WDHD1: variants seen among roughly 807,000 people sequenced by gnomAD.
WDHD1 encodes WD repeat and HMG-box DNA-binding protein 1.
Under a neutral mutation model 135.4 loss-of-function variants are expected in WDHD1, and 111 were observed. That is an observed-to-expected ratio of 0.82 (90% CI 0.70 to 0.96). The LOEUF is 0.96. WDHD1 is among the 40% of genes least tolerant of loss of function. The pLI, the probability that WDHD1 is intolerant of heterozygous loss-of-function variation, is 0.00. For synonymous variants in WDHD1, 434 were observed against 439.0 expected (o/e 0.99, Z 0.14); for missense variants, 1,351 against 1,336.3 (o/e 1.01, Z -0.17).
intron 21 of WDHD1, among the ~76,000 whole-genome samples, chr14:54,960,610 C>T (rs879716279): frequency 2.6e-5 from 4 of 151,948 alleles, no homozygotes; most frequent in Non-Finnish European, 5.9e-5. Context: ...AGCAATTCTC[C>T]TGCCTCAGCC....
intron 11 of WDHD1, among the ~76,000 whole-genome samples, chr14:54,992,245 CT>C (rs1166873763): frequency 6.6e-6 from 1 of 151,922 alleles, no homozygotes; most frequent in African/African-American, 2.4e-5. Context: ...AATCCCAGCA[CT>C]TTGGGAGGCC....
chr14:54,983,100 G>T (rs866300043), intron 15 of WDHD1, among the ~76,000 whole-genome samples: 22 of 152,270 alleles, frequency 1.4e-4, no homozygotes, highest in African/African-American at 5.3e-4. Flanking sequence ...GAAGACAGAG[G>T]TTGTAGTGAT....
At chr14:54,943,996 A>G (rs2040878740) in intron 25 of WDHD1, among the ~76,000 whole-genome samples, 1 of 152,142 alleles carries the variant, frequency 6.6e-6, no homozygotes, top group Non-Finnish European at 1.5e-5. Flanking sequence ...AATAATTACT[A>G]CATATCCATA....
chr14:54,962,915 A>G lies in WDHD1; in HGVS notation c.2531+37T>C, dbSNP rs752867538. Reference sequence around the variant, plus strand: ...CAAAGACCAACTTAACATTCAAGACAGTAAAGGAAAATTCAAACAACTAAA... The same window carrying G: ...CAAAGACCAACTTAACATTCAAGACGGTAAAGGAAAATTCAAACAACTAAA... On this transcript the variant is annotated intron_variant, in intron 19 of 25. Transcript: ENST00000360586. The G allele has an allele frequency of 5.0e-6, 8 of 1,612,458 alleles. No homozygotes were observed. The South Asian group carries it at 8.8e-5, about 18-fold the overall frequency.
At chr14:54,984,598 A>T in intron 15 of WDHD1, 125 bp downstream of exon 15, 1 of 852,176 alleles carries the variant, frequency 1.2e-6, no homozygotes. Flanking sequence ...ATAGAAATTT[A>T]AAATATAAAA....
At chr14:54,947,287 G>A (rs543041682) in intron 24 of WDHD1, among the ~76,000 whole-genome samples, 1 of 152,148 alleles carries the variant, frequency 6.6e-6, no homozygotes, top group Non-Finnish European at 1.5e-5. Context: ...GCAGTGAGCC[G>A]AGATTGTGCC....
At chr14:54,998,866 A>G (rs2041932235) in intron 10 of WDHD1, among the ~76,000 whole-genome samples, 1 of 152,208 alleles carries the variant, frequency 6.6e-6, no homozygotes, top group East Asian at 1.9e-4. Flanking sequence ...AATAATAAAA[A>G]TAATAGCCAA....
At chr14:54,949,743 G>C (rs1378033678) in intron 24 of WDHD1, among the ~76,000 whole-genome samples, 1 of 152,008 alleles carries the variant, frequency 6.6e-6, no homozygotes, top group African/African-American at 2.4e-5. Flanking sequence ...TGTTCAGAGA[G>C]AAAGGTTAGG....
At chr14:54,988,232 G>T (rs1022854890) in intron 13 of WDHD1, among the ~76,000 whole-genome samples, 5 of 149,232 alleles carry the variant, frequency 3.4e-5, no homozygotes, top group Non-Finnish European at 7.4e-5. Flanking sequence ...TTGTTTTTCC[G>T]TTTTTTTTTC....
intron 11 of WDHD1, among the ~76,000 whole-genome samples, chr14:54,994,873 C>T (rs2140207067): frequency 6.6e-6 from 1 of 152,252 alleles, no homozygotes; most frequent in South Asian, 2.1e-4. Context: ...TTGGATAGCA[C>T]AAATCTACAG....
intron 21 of WDHD1, among the ~76,000 whole-genome samples, chr14:54,960,502 C>A (rs117070457): frequency 0.021 from 3,181 of 150,162 alleles, 45 homozygotes; most frequent in Non-Finnish European, 0.034. Context: ...TTATTTACTT[C>A]TTCTTATTAT....
At chr14:54,952,115 C>A (rs1041907849) in intron 24 of WDHD1, among the ~76,000 whole-genome samples, 2 of 152,128 alleles carry the variant, frequency 1.3e-5, no homozygotes, top group Admixed American at 6.5e-5. Flanking sequence ...CACTTCTGTT[C>A]AACATAGTGT....
intron 18 of WDHD1, among the ~76,000 whole-genome samples, chr14:54,965,190 C>T (rs1350504004): frequency 6.6e-6 from 1 of 152,202 alleles, no homozygotes; most frequent in Non-Finnish European, 1.5e-5. Flanking sequence ...CATGTCAGTG[C>T]CTGGCATACA....
intron 16 of WDHD1, among the ~76,000 whole-genome samples, chr14:54,980,770 C>CAA (rs1257774508): frequency 2.8e-5 from 4 of 143,922 alleles, no homozygotes; most frequent in South Asian, 2.2e-4. Context: ...CGCCACTGTA[C>CAA]TCCAGCCTGG....
At chr14:54,997,801 C>T (rs2041909931) in intron 10 of WDHD1, among the ~76,000 whole-genome samples, 1 of 151,786 alleles carries the variant, frequency 6.6e-6, no homozygotes, top group East Asian at 1.9e-4. Flanking sequence ...ATCCCAGCTA[C>T]TCAGGAGGCT....
chr14:55,020,782 C>G (rs1002903196), intron 2 of WDHD1, among the ~76,000 whole-genome samples: 2 of 152,160 alleles, frequency 1.3e-5, no homozygotes, highest in Non-Finnish European at 2.9e-5. Context: ...TAACAGCCTA[C>G]TGTTGAGTAG....
intron 17 of WDHD1, 55 bp from the exon 18 acceptor site, chr14:54,966,661 G>C (rs2041351045): frequency 1.3e-6 from 2 of 1,523,558 alleles, no homozygotes; most frequent in African/African-American, 2.8e-5. Flanking sequence ...TATGAGGCAA[G>C]CGTTAAATAT....
chr14:54,966,321 C>A (rs1046899934), intron 18 of WDHD1, among the ~76,000 whole-genome samples, 154 bp downstream of exon 18: 1 of 148,784 alleles, frequency 6.7e-6, no homozygotes, highest in East Asian at 1.9e-4. Flanking sequence ...GGTGACAGAA[C>A]GAGACTCCGT....
intron 2 of WDHD1, among the ~76,000 whole-genome samples, chr14:55,017,135 T>C (rs1017727546): frequency 2.0e-5 from 3 of 152,208 alleles, no homozygotes; most frequent in African/African-American, 4.8e-5. Flanking sequence ...TCTAAATTTA[T>C]TTGAAAAGTT....
Sources: allele counts gnomAD v4.1 joint callset (sites outside exome capture counted in the v4.1 genomes callset), GRCh38; gene constraint gnomAD v4.1.1; transcripts MANE v1.5; gene names NCBI Gene and HGNC (gene_info 2026-07-23, HGNC 2026-07-21).